The following TMEM132D variants were observed in gnomAD, a reference collection of about 807,000 sequenced individuals.
TMEM132D encodes the protein transmembrane protein 132D, also known as mature OL transmembrane protein.
In TMEM132D, 21 loss-of-function variants were observed where a neutral mutation model predicts 62.3. That is an observed-to-expected ratio of 0.34 (90% CI 0.24 to 0.49). The LOEUF (loss-of-function observed/expected upper bound fraction) is 0.49. Among genes scored for constraint, TMEM132D ranks in the 20% least tolerant of loss-of-function variants. The pLI, the probability that TMEM132D is intolerant of heterozygous loss-of-function variation, is 0.99. For missense variants in TMEM132D, 1,346 were observed against 1,402.8 expected, an observed-to-expected ratio of 0.96 and a Z score of 0.65; for synonymous variants, 621 against 575.6, an observed-to-expected ratio of 1.08 and a Z score of -1.13.
At chr12:129,574,492 C>T (rs989207754) in intron 2 of TMEM132D, among the ~76,000 whole-genome samples, 7 of 151,890 alleles carry the variant, frequency 4.6e-5, no homozygotes, top group African/African-American at 1.2e-4. Flanking sequence ...TGACTAGGGG[C>T]GAAATGATGC....
intron 1 of TMEM132D, among the ~76,000 whole-genome samples, chr12:129,717,623 C>G (rs1868637987): frequency 6.7e-6 from 1 of 150,132 alleles, no homozygotes; most frequent in East Asian, 1.9e-4. Context: ...ATGAGGCCCA[C>G]AGAAATGTGT....
intron 3 of TMEM132D, among the ~76,000 whole-genome samples, chr12:129,338,972 CAGAGAG>C (rs942948074): frequency 6.6e-6 from 1 of 150,678 alleles, no homozygotes; most frequent in African/African-American, 2.4e-5. Context: ...GAGAGACAGA[CAGAGAG>C]AGAGAAAGGA....
At chr12:129,249,696 A>AT (rs1192054855) in intron 4 of TMEM132D, among the ~76,000 whole-genome samples, 1 of 152,192 alleles carries the variant, frequency 6.6e-6, no homozygotes, top group Non-Finnish European at 1.5e-5. Context: ...CTCAGTTACA[A>AT]TAACAGATAT....
chr12:129,678,968 T>G (rs1470310666), intron 2 of TMEM132D, among the ~76,000 whole-genome samples: 2 of 152,064 alleles, frequency 1.3e-5, no homozygotes, highest in East Asian at 3.8e-4. Flanking sequence ...GTTCATTTGT[T>G]ATTTATCTAT....
At chr12:129,678,291 C>T (rs1022530603) in intron 2 of TMEM132D, among the ~76,000 whole-genome samples, 56 of 152,210 alleles carry the variant, frequency 3.7e-4, no homozygotes, top group African/African-American at 1.3e-3. Flanking sequence ...TTCCTTTTTC[C>T]ACATCCTCAA....
chr12:129,710,488 G>T (rs1208248469), intron 1 of TMEM132D, among the ~76,000 whole-genome samples: 1 of 151,980 alleles, frequency 6.6e-6, no homozygotes, highest in Non-Finnish European at 1.5e-5. Flanking sequence ...GTAGAGACGG[G>T]GTTTTGCCAT....
chr12:129,751,513 C>T (rs1400633669), intron 1 of TMEM132D, among the ~76,000 whole-genome samples: 1 of 148,154 alleles, frequency 6.7e-6, no homozygotes, highest in Non-Finnish European at 1.5e-5. Flanking sequence ...GTGTCGCCCC[C>T]ACCAGCCAGC....
chr12:129,295,427 CT>C (rs556748373), intron 4 of TMEM132D, among the ~76,000 whole-genome samples: 6,402 of 122,980 alleles, frequency 0.052, 126 homozygotes, highest in African/African-American at 0.13. Flanking sequence ...TCATATTAGC[CT>C]TTTTTTTTTT....
chr12:129,294,989 C>T (rs962709772), intron 4 of TMEM132D, among the ~76,000 whole-genome samples: 1 of 152,132 alleles, frequency 6.6e-6, no homozygotes, highest in Non-Finnish European at 1.5e-5. Flanking sequence ...CTGAGTGTTT[C>T]TGTTAGGGTG....
chr12:129,425,661 A>G lies in TMEM132D; in HGVS notation c.1116-87844T>C, dbSNP rs141059370. 4.5e-3 allele frequency among the ~76,000 whole-genome samples: 680 copies of G among 152,332 alleles called. 6 individuals carry two copies. Among genetic ancestry groups the G allele is most frequent in the Middle Eastern group, 6.8e-3 (2 of 294 alleles). ...CTCCTATCTGACACAGCCAATCAAT[A>G]GAGGTAACACTGGAACACTGATGTT... is the stretch of plus-strand genomic sequence containing the variant. On this transcript the variant is annotated intron_variant, in intron 3 of 8. Transcript: ENST00000422113.
chr12:129,669,173 A>G (rs1421365512), intron 2 of TMEM132D, among the ~76,000 whole-genome samples: 1 of 152,252 alleles, frequency 6.6e-6, no homozygotes, highest in African/African-American at 2.4e-5. Context: ...TTTTATGTAA[A>G]TAATCAGGCC....
intron 1 of TMEM132D, among the ~76,000 whole-genome samples, chr12:129,715,668 T>A (rs1258888947): frequency 6.6e-6 from 1 of 152,244 alleles, no homozygotes; most frequent in Admixed American, 6.5e-5. Flanking sequence ...CGACTTCTCC[T>A]TTGAATATGT....
chr12:129,533,522 T>C (rs1016909010), intron 2 of TMEM132D, among the ~76,000 whole-genome samples: 2 of 152,244 alleles, frequency 1.3e-5, no homozygotes, highest in Non-Finnish European at 2.9e-5. Context: ...ACCTTTTCAT[T>C]ATACAGGAGA....
intron 3 of TMEM132D, among the ~76,000 whole-genome samples, chr12:129,358,214 C>T (rs991417638): frequency 3.3e-5 from 5 of 152,178 alleles, no homozygotes; most frequent in African/African-American, 1.2e-4. Flanking sequence ...TGCTGCACAT[C>T]TTCCTTTTAT....
intron 5 of TMEM132D, among the ~76,000 whole-genome samples, chr12:129,177,145 T>A (rs1877929273): frequency 6.6e-6 from 1 of 152,182 alleles, no homozygotes; most frequent in South Asian, 2.1e-4. Context: ...AATGAAAATA[T>A]TTATAAGTGG....
intron 1 of TMEM132D, among the ~76,000 whole-genome samples, chr12:129,810,790 CTT>C (rs945586670): frequency 3.3e-5 from 5 of 152,234 alleles, no homozygotes; most frequent in South Asian, 2.1e-4. Context: ...AAAACATAAT[CTT>C]GAACAATGTC....
intron 1 of TMEM132D, among the ~76,000 whole-genome samples, chr12:129,738,834 C>T (rs1018483639): frequency 3.9e-5 from 6 of 152,238 alleles, no homozygotes; most frequent in East Asian, 1.9e-4. Flanking sequence ...TTTCATTCTG[C>T]GAGATAACTT....
intron 2 of TMEM132D, among the ~76,000 whole-genome samples, chr12:129,578,969 C>A (rs1323030141): frequency 6.6e-6 from 1 of 152,162 alleles, no homozygotes; most frequent in African/African-American, 2.4e-5. Flanking sequence ...TCTGGGCATC[C>A]CACAGTCCAG....
Position 129,073,736 on chromosome 12 carries a change from T to G in TMEM132D, c.*139A>C. 1 of 736,720 alleles carries G rather than the reference T, an allele frequency of 1.4e-6. No individual in the cohort carries two copies. Among genetic ancestry groups the G allele is most frequent in the Non-Finnish European group, 2.1e-6 (1 of 465,296 alleles). The allele number at this position is 736,720 out of a possible 1,614,324, so 45.6% of individuals were successfully genotyped here. ...TCCAGGCCTCGCCGCCGAGCCGGGG[T>G]CATTGGCTGAGGCTGTATGGATAGT... On this transcript the variant is annotated 3_prime_UTR_variant, in exon 9 of 9. Coordinates refer to ENST00000422113, the MANE Select transcript of TMEM132D (RefSeq NM_133448.3).
Sources: gnomAD v4.1 joint callset for allele counts (sites outside exome capture counted in the v4.1 genomes callset) on GRCh38, gnomAD v4.1.1 for gene constraint, MANE v1.5 for transcripts, NCBI Gene and HGNC (gene_info 2026-07-23, HGNC 2026-07-21) for gene names.